Variants in NAB2 observed in about 807,000 individuals in gnomAD.
NAB2 encodes NGFI-A-binding protein 2.
A neutral mutation model predicts 44.2 loss-of-function variants in NAB2; 9 were observed. The ratio of observed to expected loss-of-function variants is 0.20; its 90% CI spans 0.12 to 0.36. The LOEUF is 0.36. NAB2 is among the 10% of genes least tolerant of loss of function. The pLI is 1.00. For synonymous variants in NAB2, 342 were observed against 291.0 expected, an observed-to-expected ratio of 1.18 and a Z score of -1.78; for missense variants, 514 against 709.0, an observed-to-expected ratio of 0.73 and a Z score of 3.12.
intron 3 of NAB2, 75 bp from the exon 4 acceptor site, chr12:57,092,842 T>C: frequency 6.4e-7 from 1 of 1,554,696 alleles, no homozygotes; most frequent in Non-Finnish European, 8.9e-7. Flanking sequence ...CACATGCCTC[T>C]GGCTGGGTTC....
intron 6 of NAB2, among the ~76,000 whole-genome samples, 199 bp from the exon 7 acceptor site, chr12:57,094,413 G>A (rs1012943739): frequency 2.0e-5 from 3 of 151,982 alleles, no homozygotes; most frequent in Non-Finnish European, 2.9e-5. Context: ...ACAGAGCTAC[G>A]CACAGCCAGG....
chr12:57,094,553 C>A, intron 6 of NAB2, 59 bp from the exon 7 acceptor site: 1 of 1,388,098 alleles, frequency 7.2e-7, no homozygotes, highest in Non-Finnish European at 1.0e-6. Context: ...CTGTTCCCAA[C>A]CACCTCTGTC....
intron 1 of NAB2, among the ~76,000 whole-genome samples, chr12:57,090,554 C>T (rs543577906): frequency 6.6e-6 from 1 of 152,364 alleles, no homozygotes; most frequent in South Asian, 2.1e-4. Flanking sequence ...AAGGCACCAC[C>T]TGGCTCACTG....
intron 6 of NAB2, among the ~76,000 whole-genome samples, chr12:57,094,051 G>T (rs1212464661): frequency 1.3e-5 from 2 of 151,710 alleles, no homozygotes; most frequent in Non-Finnish European, 2.9e-5. Flanking sequence ...CCGGGCAGCC[G>T]CTGGGCTGAG....
intron 1 of NAB2, among the ~76,000 whole-genome samples, chr12:57,089,741 C>CTGGGGTCCTGGAGAAGG (rs1555172915): frequency 6.6e-6 from 1 of 150,450 alleles, no homozygotes; most frequent in African/African-American, 2.4e-5. Context: ...GCGCGGGCCC[C>CTGGGGTCCTGGAGAAGG]CGGTGCCTTT....
chr12:57,089,492 G>A, intron 1 of NAB2, 138 bp downstream of exon 1: 1 of 747,518 alleles, frequency 1.3e-6, no homozygotes, highest in Admixed American at 2.9e-5. Context: ...TGGAAAAGGG[G>A]GTGCGTCTTC....
intron 1 of NAB2, 23 bp downstream of exon 1, chr12:57,089,377 C>A (rs544645093): frequency 7.8e-7 from 1 of 1,286,926 alleles, no homozygotes; most frequent in Non-Finnish European, 1.0e-6. Context: ...AGGGAGGCAG[C>A]GGGGAGTGGA....
Position 57,093,549 on chromosome 12 carries a change from C to T in NAB2, c.1419C>T (p.Asp473=), listed in dbSNP as rs755263193. ...GLRLARLVSH[D]RVGRLSPCVP... ...GGCTCGCCCGCCTCGTCTCCCACGA[C>T]CGCGTGGGCCGCCTCAGCCCCTGTG... is the stretch of plus-strand genomic sequence containing the variant. The change falls in exon 6 of 7, where the codon GAC becomes GAT. Residue 473 remains aspartate, a synonymous_variant. Coordinates refer to ENST00000300131, the MANE Select transcript of NAB2 (RefSeq NM_005967.4). 30 of 1,546,182 alleles carry T rather than the reference C, an allele frequency of 1.9e-5. No individual in the cohort carries two copies. Among genetic ancestry groups the T allele is most frequent in the Non-Finnish European group, 2.4e-5 (28 of 1,146,354 alleles).
Position 57,094,955 on chromosome 12 carries a change from G to A in NAB2, c.*234G>A, listed in dbSNP as rs754201171. ...GCCCTCACCCCTGCCCAGAGCGAGG[G>A]GGCAAGGACTCTGCCTCCAGGGCAT... On this transcript the variant is annotated 3_prime_UTR_variant, in exon 7 of 7. Coordinates refer to ENST00000300131, the MANE Select transcript of NAB2 (RefSeq NM_005967.4). 34 of 540,016 alleles carry A rather than the reference G, an allele frequency of 6.3e-5. No homozygotes were observed. The highest frequency in any genetic ancestry group is 9.5e-4 in the Middle Eastern group (2 of 2,102). 33.5% of individuals were successfully genotyped at this position (540,016 alleles called of 1,614,324 possible).
In NAB2 at chr12:57,091,465, A is replaced by G. The variant is rs2033181811; in HGVS notation, c.424A>G (p.Ser142Gly). The G allele has an allele frequency of 6.2e-7, 1 of 1,614,102 alleles. No individual in the cohort carries two copies. The highest frequency in any genetic ancestry group is 1.3e-5 in the African/African-American group (1 of 74,940). ...TGCGGGTACCCGGAAAGGGAGCATG[A>G]GCAATGGGCATGGCAGCCCAGGGGA... ...ETAGTRKGSMSNGHGSPGEKA... is the reference protein window; with the variant it reads ...ETAGTRKGSMGNGHGSPGEKA... The change falls in exon 2 of 7, where the codon AGC (serine) becomes GGC (glycine). Residue 142 changes from serine (S) to glycine (G), a missense_variant. This residue lies in a region of NAB2 where 177 missense variants were observed against 200.5 expected (regional missense o/e 0.88). Transcript: ENST00000300131. The surrounding 1 kb of genome is among the most constrained non-coding windows in gnomAD (Gnocchi z 7.3).
rs372634082 is a variant in NAB2 at position 57,092,435 on chromosome 12, C to T, written c.958-13C>T. 3.8e-5 allele frequency: 61 copies of T among 1,612,504 alleles called. No homozygotes were observed. The highest frequency in any genetic ancestry group is 5.1e-5 in the Non-Finnish European group (60 of 1,178,908). ...TTCGAATTCTGACTCTCCTGGCTGCCCTCCCTCCACAGCTCACCATCAACG... is the reference window on the plus strand; with the variant it reads ...TTCGAATTCTGACTCTCCTGGCTGCTCTCCCTCCACAGCTCACCATCAACG... On this transcript the variant is annotated splice_polypyrimidine_tract_variant and intron_variant, in intron 2 of 6. Coordinates refer to ENST00000300131, the MANE Select transcript of NAB2 (RefSeq NM_005967.4).
At chr12:57,089,714 C>T (rs551052557) in intron 1 of NAB2, among the ~76,000 whole-genome samples, 3 of 123,744 alleles carry the variant, frequency 2.4e-5, no homozygotes, top group Admixed American at 8.4e-5. Context: ...TGCCTCAGTC[C>T]CTCGTTGGCA....
In NAB2 at chr12:57,091,097, G is replaced by A. The variant is rs762114687; in HGVS notation, c.84-28G>A. On this transcript the variant is annotated intron_variant, in intron 1 of 6. Transcript: ENST00000300131. The surrounding 1 kb of genome is among the most constrained non-coding windows in gnomAD (Gnocchi z 7.3). ...CCCAGTAGGGGGACTTGCACCGACT[G>A]CCTCTCTCTTGTGCCCCTCCTTCTC... The A allele has an allele frequency of 4.0e-6, 6 of 1,497,560 alleles. No individual in the cohort carries two copies. Among genetic ancestry groups the A allele is most frequent in the Non-Finnish European group, 5.4e-6 (6 of 1,120,728 alleles). The allele number at this position is 1,497,560 out of a possible 1,614,324, so 92.8% of individuals were successfully genotyped here.
rs1168208813 is a variant in NAB2 at position 57,091,747 on chromosome 12, C to T, written c.706C>T (p.Arg236Ter). 1.2e-6 allele frequency: 2 copies of T among 1,614,060 alleles called. No homozygotes were observed. The highest frequency in any genetic ancestry group is 2.2e-5 in the East Asian group (1 of 44,876). ...AGGTGGGACTGGGGGTGGTCCAGAC[C>T]GACTGGAGCCAGAGATGGTACGCAT... ...AAGGTGGGPD[R>*]LEPEMVRMVV... Residue 236 changes from arginine (R) to a stop codon, truncating the protein, a stop_gained, in exon 2 of 7, where the codon CGA becomes TGA. Transcript: ENST00000300131. LOFTEE classifies it high-confidence loss of function. The surrounding 1 kb of genome is among the most constrained non-coding windows in gnomAD (Gnocchi z 7.3).
At position 57,091,100 on chromosome 12, in the gene NAB2, T is replaced by G; in HGVS notation, c.84-25T>G. ...AGTAGGGGGACTTGCACCGACTGCC[T>G]CTCTCTTGTGCCCCTCCTTCTCAGG... On this transcript the variant is annotated intron_variant, in intron 1 of 6. Transcript: ENST00000300131. The surrounding 1 kb of genome is among the most constrained non-coding windows in gnomAD (Gnocchi z 7.3). The G allele has an allele frequency of 6.7e-7, 1 of 1,501,202 alleles. No homozygotes were observed. The highest frequency in any genetic ancestry group is 2.3e-5 in the East Asian group (1 of 43,776). The allele number at this position is 1,501,202 out of a possible 1,614,324, so 93.0% of individuals were successfully genotyped here.
At chr12:57,092,603 C>G (rs1264214325) in intron 3 of NAB2, 22 bp downstream of exon 3, 1 of 1,612,992 alleles carries the variant, frequency 6.2e-7, no homozygotes, top group East Asian at 2.2e-5. Flanking sequence ...TCCCCAGGTC[C>G]TTCCTGGACT....
Position 57,089,154 on chromosome 12 carries a change from G to C in NAB2, c.-118G>C, listed in dbSNP as rs1283014519. On this transcript the variant is annotated 5_prime_UTR_variant, in exon 1 of 7. Transcript: ENST00000300131. ...GGCTCGGAGAGAGAAGACGTGGAGGGAGGGACAGAGCCTGGACAGCGGTGG... is the reference window on the plus strand; with the variant it reads ...GGCTCGGAGAGAGAAGACGTGGAGGCAGGGACAGAGCCTGGACAGCGGTGG... The C allele has an allele frequency of 3.8e-6, 4 of 1,049,900 alleles. No individual in the cohort carries two copies. Among genetic ancestry groups the C allele is most frequent in the Non-Finnish European group, 5.6e-6 (4 of 713,148 alleles). The allele number at this position is 1,049,900 out of a possible 1,614,324, so 65.0% of individuals were successfully genotyped here.
At chr12:57,090,368 C>G (rs926775590) in intron 1 of NAB2, among the ~76,000 whole-genome samples, 1 of 152,206 alleles carries the variant, frequency 6.6e-6, no homozygotes, top group Non-Finnish European at 1.5e-5. Context: ...CCTGTAATCT[C>G]AGCTACTCAG....
At chr12:57,092,404 G>T in intron 2 of NAB2, 44 bp from the exon 3 acceptor site, 1 of 1,606,404 alleles carries the variant, frequency 6.2e-7, no homozygotes. Flanking sequence ...TGAGGCAGCG[G>T]GGAAGTTCGA....
Sources: allele counts gnomAD v4.1 joint callset (sites outside exome capture counted in the v4.1 genomes callset), GRCh38; gene constraint gnomAD v4.1.1; regional missense constraint gnomAD v4.1.1; non-coding constraint Gnocchi (gnomAD v3.1); transcripts MANE v1.5; gene names NCBI Gene and HGNC (gene_info 2026-07-23, HGNC 2026-07-21).